The following CHRM3 variants were observed in gnomAD, a reference collection of about 807,000 sequenced individuals.
CHRM3 encodes cholinergic receptor muscarinic 3, also known as muscarinic acetylcholine receptor M3.
CHRM3 carries 11 observed loss-of-function variants against 41.8 expected under a neutral mutation model. The observed-to-expected ratio is 0.26, with a 90% CI of 0.17 to 0.44. The LOEUF (loss-of-function observed/expected upper bound fraction) is 0.44. Among genes scored for constraint, CHRM3 ranks in the 20% least tolerant of loss-of-function variants. CHRM3 has a pLI of 1.00. For missense variants in CHRM3, 571 were observed against 745.4 expected (o/e 0.77, Z 2.72); for synonymous variants, 297 against 301.4 (o/e 0.99, Z 0.15).
Position 239,907,892 on chromosome 1 carries a change from T to C in CHRM3, c.441T>C (p.Ile147=). The C allele has an allele frequency of 6.2e-7, 1 of 1,614,224 alleles. No homozygotes were observed. The highest frequency in any genetic ancestry group is 8.5e-7 in the Non-Finnish European group (1 of 1,180,038). ...GNLACDLWLA[I]DYVASNASVM... ...TGGCCTGTGACCTCTGGCTTGCCATTGACTACGTAGCCAGCAATGCCTCTG... is the reference window on the plus strand; with the variant it reads ...TGGCCTGTGACCTCTGGCTTGCCATCGACTACGTAGCCAGCAATGCCTCTG... The change falls in exon 7 of 7, where the codon ATT becomes ATC. Residue 147 remains isoleucine, a synonymous_variant. Transcript: ENST00000676153. The surrounding 1 kb of genome is among the most constrained non-coding windows in gnomAD (Gnocchi z 5.4).
In CHRM3 at chr1:239,399,736, C is replaced by CATTCTTCTGTTGATACACACTT. The variant is rs1553292120; in HGVS notation, c.-521+12524_-521+12525insCACACTTATTCTTCTGTTGATA. Among the ~76,000 whole-genome samples the CATTCTTCTGTTGATACACACTT allele has an allele frequency of 4.6e-5, 7 of 150,836 alleles. No individual in the cohort carries two copies. The East Asian group carries it at 1.4e-3, about 30-fold the overall frequency. ...GTATATATACCACATTTTCTTTCTC[C>CATTCTTCTGTTGATACACACTT]ATTCTTCTGTTGATAGACACTTAGT... is the stretch of plus-strand genomic sequence containing the variant. On this transcript the variant is annotated intron_variant, in intron 1 of 6. Transcript: ENST00000676153.
chr1:239,631,494 C>G (rs6429147), intron 3 of CHRM3, among the ~76,000 whole-genome samples: 96,773 of 152,088 alleles, frequency 0.64, 31,173 homozygotes, highest in East Asian at 0.84. Context: ...TCAAGTTCTT[C>G]CAAAGCATTT....
At chr1:239,652,312 T>C (rs1672315017) in intron 4 of CHRM3, among the ~76,000 whole-genome samples, 1 of 152,136 alleles carries the variant, frequency 6.6e-6, no homozygotes, top group South Asian at 2.1e-4. Context: ...GCACTGTCAT[T>C]GAGGTTAGAA....
intron 2 of CHRM3, among the ~76,000 whole-genome samples, chr1:239,512,514 G>A (rs1240171975): frequency 6.6e-6 from 1 of 152,158 alleles, no homozygotes; most frequent in Non-Finnish European, 1.5e-5. Context: ...AAGAACTTCA[G>A]TGTTGTTAGG....
intron 3 of CHRM3, among the ~76,000 whole-genome samples, chr1:239,602,325 C>G (rs1278671102): frequency 6.6e-6 from 1 of 151,574 alleles, no homozygotes; most frequent in Non-Finnish European, 1.5e-5. Flanking sequence ...GATGAAGTAT[C>G]CATTTAAGAT....
intron 1 of CHRM3, among the ~76,000 whole-genome samples, chr1:239,454,849 A>G (rs1029932510): frequency 6.6e-6 from 1 of 152,134 alleles, no homozygotes; most frequent in Non-Finnish European, 1.5e-5. Context: ...AAAAATTCCT[A>G]TCACCTAGTG....
At position 239,418,556 on chromosome 1, in the gene CHRM3, A is replaced by G. The variant is rs77933467; in HGVS notation, c.-521+31329A>G. On this transcript the variant is annotated intron_variant, in intron 1 of 6. Transcript: ENST00000676153. ...GCATTTTGTAATTTTAAGTCTATCA[A>G]TATTCATGTTTTGGGGAGAAATTTT... Among the ~76,000 whole-genome samples the G allele has an allele frequency of 2.1e-3, 319 of 152,304 alleles. 4 individuals are homozygous for G. The highest frequency in any genetic ancestry group is 0.014 in the East Asian group (71 of 5,178).
chr1:239,800,865 A>G (rs972454263), intron 5 of CHRM3, among the ~76,000 whole-genome samples: 2 of 151,532 alleles, frequency 1.3e-5, no homozygotes, highest in Non-Finnish European at 2.9e-5. Context: ...AGAAAAATAT[A>G]AACTATAAAA....
intron 5 of CHRM3, among the ~76,000 whole-genome samples, chr1:239,737,140 A>T (rs536932149): frequency 6.6e-6 from 1 of 152,254 alleles, no homozygotes; most frequent in South Asian, 2.1e-4. Flanking sequence ...AGTATAAATA[A>T]TTACAATGAT....
intron 1 of CHRM3, among the ~76,000 whole-genome samples, chr1:239,396,628 T>C (rs1274081094): frequency 6.6e-6 from 1 of 152,032 alleles, no homozygotes; most frequent in Admixed American, 6.6e-5. Flanking sequence ...AGAGTAAATA[T>C]AGTGTTTTTG....
intron 3 of CHRM3, among the ~76,000 whole-genome samples, chr1:239,625,684 T>G (rs1471475974): frequency 6.3e-5 from 1 of 15,844 alleles, no homozygotes; most frequent in Admixed American, 6.6e-4. Context: ...CATCAATACC[T>G]AATTTATTGA....
At chr1:239,858,250 T>C (rs139892712) in intron 6 of CHRM3, among the ~76,000 whole-genome samples, 9 of 152,350 alleles carry the variant, frequency 5.9e-5, no homozygotes, top group African/African-American at 1.7e-4. Flanking sequence ...TCTTTAATCA[T>C]ACACATGAAT....
At position 239,502,132 on chromosome 1, in the gene CHRM3, G is replaced by A. The variant is rs1003627949; in HGVS notation, c.-422+9325G>A. Among the ~76,000 whole-genome samples the A allele has an allele frequency of 1.1e-4, 16 of 152,090 alleles. No homozygotes were observed. The East Asian group carries it at 2.5e-3, about 24-fold the overall frequency. Reference sequence around the variant, plus strand: ...CAAACAAGAAAAATACAAAAGATACGTGAAACAAAATGCTGATTCTTTGAA... The same window carrying A: ...CAAACAAGAAAAATACAAAAGATACATGAAACAAAATGCTGATTCTTTGAA... On this transcript the variant is annotated intron_variant, in intron 2 of 6. Coordinates refer to ENST00000676153, the MANE Select transcript of CHRM3 (RefSeq NM_001375978.1).
At chr1:239,560,827 C>A (rs1309871339) in intron 3 of CHRM3, among the ~76,000 whole-genome samples, 1 of 152,094 alleles carries the variant, frequency 6.6e-6, no homozygotes, top group Non-Finnish European at 1.5e-5. Context: ...GAATGCCTAA[C>A]AAGTGGCTCT....
At chr1:239,849,180 G>C (rs532992679) in intron 6 of CHRM3, among the ~76,000 whole-genome samples, 9 of 152,242 alleles carry the variant, frequency 5.9e-5, no homozygotes, top group Admixed American at 3.9e-4. Flanking sequence ...TATTTGCTTA[G>C]TTTACAATTC....
chr1:239,679,349 G>A (rs1658333758), intron 5 of CHRM3, among the ~76,000 whole-genome samples: 2 of 152,036 alleles, frequency 1.3e-5, no homozygotes, highest in South Asian at 2.1e-4. Flanking sequence ...TTGGGAAATT[G>A]GGAAGTAGCA....
At chr1:239,680,977 C>T (rs779220942) in intron 5 of CHRM3, among the ~76,000 whole-genome samples, 2 of 151,942 alleles carry the variant, frequency 1.3e-5, no homozygotes, top group South Asian at 4.1e-4. Flanking sequence ...CAAATCATGG[C>T]GGGAGGTGAA....
intron 3 of CHRM3, among the ~76,000 whole-genome samples, chr1:239,554,350 C>T (rs1175640480): frequency 6.6e-6 from 1 of 152,086 alleles, no homozygotes; most frequent in Non-Finnish European, 1.5e-5. Context: ...ATAGCAGGCC[C>T]TGGGACTACA....
At chr1:239,432,951 C>T (rs1662943184) in intron 1 of CHRM3, among the ~76,000 whole-genome samples, 1 of 152,184 alleles carries the variant, frequency 6.6e-6, no homozygotes, top group African/African-American at 2.4e-5. Flanking sequence ...TTTTTACTCT[C>T]TGAGATAACA....
Sources: allele counts gnomAD v4.1 joint callset (sites outside exome capture counted in the v4.1 genomes callset), GRCh38; gene constraint gnomAD v4.1.1; non-coding constraint Gnocchi (gnomAD v3.1); transcripts MANE v1.5; gene names NCBI Gene and HGNC (gene_info 2026-07-23, HGNC 2026-07-21).